The following MAML3 variants were observed in gnomAD, a reference collection of about 807,000 sequenced individuals.
The protein encoded by MAML3 is mastermind like transcriptional coactivator 3.
A neutral mutation model predicts 101.9 loss-of-function variants in MAML3; 27 were observed. The observed-to-expected ratio is 0.27, with a 90% CI of 0.20 to 0.37. The LOEUF is 0.37. Among genes scored for constraint, MAML3 ranks in the 10% least tolerant of loss-of-function variants. MAML3 has a pLI of 1.00. For missense variants in MAML3, 1,316 were observed against 1,444.9 expected, an observed-to-expected ratio of 0.91 and a Z score of 1.45; for synonymous variants, 501 against 555.9, an observed-to-expected ratio of 0.90 and a Z score of 1.39.
intron 2 of MAML3, among the ~76,000 whole-genome samples, chr4:139,801,961 C>T (rs907012645): frequency 6.6e-6 from 1 of 152,182 alleles, no homozygotes; most frequent in African/African-American, 2.4e-5. Context: ...GCCAGATGGA[C>T]AGACAGACTG....
In MAML3 at chr4:140,119,508, G is replaced by A. The variant is rs971160606; in HGVS notation, c.468+33352C>T. On this transcript the variant is annotated intron_variant, in intron 1 of 4. Transcript: ENST00000509479. ...ACAGTCATTACAGACTTCTTCTATC[G>A]TATCTTCTGGAGAGACATTTTGGGA... Among the ~76,000 whole-genome samples the A allele has an allele frequency of 5.3e-5, 8 of 151,992 alleles. No homozygotes were observed. The Middle Eastern group carries it at 0.01, about 194-fold the overall frequency.
intron 2 of MAML3, among the ~76,000 whole-genome samples, chr4:139,808,518 A>G: frequency 6.6e-6 from 1 of 152,226 alleles, no homozygotes; most frequent in East Asian, 1.9e-4. Flanking sequence ...AGCAACTCCC[A>G]GATCACAGGA....
chr4:139,825,702 A>G (rs967388706), intron 2 of MAML3, among the ~76,000 whole-genome samples: 5 of 152,084 alleles, frequency 3.3e-5, no homozygotes, highest in Non-Finnish European at 7.4e-5. Context: ...TACAAAACAC[A>G]TCAACATCTC....
Position 139,720,178 on chromosome 4 carries a change from C to T in MAML3, c.2562G>A (p.Ser854=), listed in dbSNP as rs377315754. 22 of 1,613,910 alleles carry T rather than the reference C, an allele frequency of 1.4e-5. No individual in the cohort carries two copies. The highest frequency in any genetic ancestry group is 4.5e-5 in the East Asian group (2 of 44,890). Residue 854 remains serine (S), a synonymous_variant, in exon 5 of 5, where the codon TCG becomes TCA. Transcript: ENST00000509479. ...PGTMATAAAQ[S]EMGLAPYSTT... Reference sequence around the variant, plus strand: ...TGCTATAAGGGGCCAGTCCCATCTCCGACTGCGCAGCTGCGGTGGCCATCG... The same window carrying T: ...TGCTATAAGGGGCCAGTCCCATCTCTGACTGCGCAGCTGCGGTGGCCATCG...
intron 2 of MAML3, among the ~76,000 whole-genome samples, chr4:139,859,339 G>A (rs897712768): frequency 6.7e-6 from 1 of 149,628 alleles, no homozygotes; most frequent in African/African-American, 2.5e-5. Context: ...CAATCCTCCT[G>A]CCGGAGTAGC....
At chr4:139,792,435 C>T (rs776765967) in intron 2 of MAML3, among the ~76,000 whole-genome samples, 4 of 152,174 alleles carry the variant, frequency 2.6e-5, no homozygotes, top group African/African-American at 4.8e-5. Context: ...TTATGATCCT[C>T]ATAAGGATCT....
At chr4:139,862,191 A>G (rs1365962964) in intron 2 of MAML3, among the ~76,000 whole-genome samples, 2 of 152,212 alleles carry the variant, frequency 1.3e-5, no homozygotes, top group African/African-American at 4.8e-5. Context: ...CCTGGGCAAC[A>G]AAAGCAAAAC....
chr4:139,859,319 T>A (rs951684410), intron 2 of MAML3, among the ~76,000 whole-genome samples: 1 of 151,196 alleles, frequency 6.6e-6, no homozygotes, highest in African/African-American at 2.4e-5. Context: ...CTCCACTTCC[T>A]GGGCTAAAGC....
chr4:139,945,018 T>G (rs970880937), intron 1 of MAML3, among the ~76,000 whole-genome samples: 7 of 152,086 alleles, frequency 4.6e-5, no homozygotes, highest in African/African-American at 1.7e-4. Context: ...ATTGCGGCAT[T>G]ATTCACAATA....
At chr4:139,762,973 T>C (rs1560786680) in intron 2 of MAML3, among the ~76,000 whole-genome samples, 1 of 152,170 alleles carries the variant, frequency 6.6e-6, no homozygotes, top group Non-Finnish European at 1.5e-5. Flanking sequence ...CTCTGGCTTC[T>C]CTTGGCACAG....
intron 1 of MAML3, among the ~76,000 whole-genome samples, chr4:140,032,135 C>T (rs1349403577): frequency 1.3e-5 from 2 of 152,176 alleles, no homozygotes; most frequent in African/African-American, 2.4e-5. Flanking sequence ...AACAGTATTC[C>T]TATAGCTCTG....
intron 1 of MAML3, among the ~76,000 whole-genome samples, chr4:140,122,082 G>C (rs1728615114): frequency 6.6e-6 from 1 of 152,126 alleles, no homozygotes; most frequent in African/African-American, 2.4e-5. Flanking sequence ...GGAACTGCGA[G>C]TCGATTAAAT....
chr4:140,035,250 AAGTAT>A (rs1435038112), intron 1 of MAML3, among the ~76,000 whole-genome samples: 1 of 152,158 alleles, frequency 6.6e-6, no homozygotes, highest in Non-Finnish European at 1.5e-5. Context: ...CTGGGATTAG[AAGTAT>A]GAGCCACCAC....
At chr4:140,146,987 G>A (rs1027395969) in intron 1 of MAML3, among the ~76,000 whole-genome samples, 2 of 151,926 alleles carry the variant, frequency 1.3e-5, no homozygotes, top group Non-Finnish European at 2.9e-5. Flanking sequence ...CAAAAAATTA[G>A]CCAGGCGTGG....
intron 2 of MAML3, among the ~76,000 whole-genome samples, chr4:139,733,842 A>G (rs1370430465): frequency 1.3e-5 from 2 of 152,136 alleles, no homozygotes; most frequent in Non-Finnish European, 2.9e-5. Flanking sequence ...TTAAGCCACC[A>G]TGCCCTGCTA....
Position 139,716,787 on chromosome 4 carries a change from T to G in MAML3, c.*2536A>C, listed in dbSNP as rs1344320594. On this transcript the variant is annotated 3_prime_UTR_variant, in exon 5 of 5. Coordinates refer to ENST00000509479, the MANE Select transcript of MAML3 (RefSeq NM_018717.5). ...ATAATCTTTTATTTTTGTTTTTGTT[T>G]TCTTTAAAAGTGGTATGTCAACATC... 6.6e-6 allele frequency: 1 copy of G among 152,556 alleles called. No homozygotes were observed. The highest frequency in any genetic ancestry group is 1.9e-4 in the East Asian group (1 of 5,206). 9.5% of individuals were successfully genotyped at this position (152,556 alleles called of 1,614,324 possible).
chr4:139,887,688 T>C (rs1181103680), intron 2 of MAML3, among the ~76,000 whole-genome samples: 1 of 152,250 alleles, frequency 6.6e-6, no homozygotes, highest in Non-Finnish European at 1.5e-5. Context: ...TTATTCATCT[T>C]TGGTCTGGCT....
intron 2 of MAML3, among the ~76,000 whole-genome samples, chr4:139,873,328 G>A (rs1732051247): frequency 6.6e-6 from 1 of 152,116 alleles, no homozygotes; most frequent in South Asian, 2.1e-4. Flanking sequence ...CAAAAATGGA[G>A]CTGCTCACCT....
At chr4:139,874,965 G>A (rs752432610) in intron 2 of MAML3, among the ~76,000 whole-genome samples, 12 of 151,838 alleles carry the variant, frequency 7.9e-5, no homozygotes, top group Admixed American at 1.3e-4. Flanking sequence ...CACCACGCCC[G>A]GCTAATTTTT....
Sources: gnomAD v4.1 joint callset for allele counts (sites outside exome capture counted in the v4.1 genomes callset) on GRCh38, gnomAD v4.1.1 for gene constraint, MANE v1.5 for transcripts, NCBI Gene and HGNC (gene_info 2026-07-23, HGNC 2026-07-21) for gene names.